Variants in GALNTL6 observed in about 807,000 individuals in gnomAD.
GALNTL6 encodes polypeptide N-acetylgalactosaminyltransferase like 6, also known as polypeptide N-acetylgalactosaminyltransferase-like 6.
In GALNTL6, 46 loss-of-function variants were observed where a neutral mutation model predicts 73.7. The observed-to-expected ratio is 0.62, with a 90% CI of 0.49 to 0.80. GALNTL6 has a LOEUF of 0.80. Ranked by LOEUF, GALNTL6 falls within the 30% of genes least tolerant of loss-of-function variation. The probability of loss-of-function intolerance (pLI) is 0.00; values close to 1 mark genes in which losing one functional copy is unlikely to be tolerated. For missense variants in GALNTL6, 604 were observed against 755.0 expected, an observed-to-expected ratio of 0.80 and a Z score of 2.34; for synonymous variants, 259 against 263.7, an observed-to-expected ratio of 0.98 and a Z score of 0.17.
chr4:172,826,142 A>G (rs1016768409), intron 7 of GALNTL6, among the ~76,000 whole-genome samples: 2 of 152,100 alleles, frequency 1.3e-5, no homozygotes, highest in African/African-American at 4.8e-5. Flanking sequence ...GGCCCAGGAC[A>G]AGAGTGCAAA....
intron 2 of GALNTL6, among the ~76,000 whole-genome samples, chr4:172,210,956 T>G (rs1466516039): frequency 6.6e-6 from 1 of 152,222 alleles, no homozygotes; most frequent in Non-Finnish European, 1.5e-5. Flanking sequence ...AAATTCCAGA[T>G]TTGTAATTTG....
At chr4:172,707,747 C>T (rs1221401985) in intron 5 of GALNTL6, among the ~76,000 whole-genome samples, 1 of 152,070 alleles carries the variant, frequency 6.6e-6, no homozygotes, top group Non-Finnish European at 1.5e-5. Flanking sequence ...TTATAGCCAA[C>T]AAGCAGAGTA....
intron 5 of GALNTL6, among the ~76,000 whole-genome samples, chr4:172,440,925 T>A (rs1731814471): frequency 6.6e-6 from 1 of 152,140 alleles, no homozygotes; most frequent in Non-Finnish European, 1.5e-5. Flanking sequence ...TTATAATTCA[T>A]TAAGTTTTAT....
Position 172,196,622 on chromosome 4 carries a change from A to G in GALNTL6, c.139-33034A>G, listed in dbSNP as rs117999291. Among the ~76,000 whole-genome samples the G allele has an allele frequency of 4.9e-4, 74 of 152,256 alleles. No individual in the cohort carries two copies. The East Asian group carries it at 0.014, about 29-fold the overall frequency. On this transcript the variant is annotated intron_variant, in intron 2 of 12. Transcript: ENST00000506823. ...CACGATCAAGTCAGCTTCATCCTCA[A>G]TGCAAGGCTGGTTCAACTTATACAA... is the stretch of plus-strand genomic sequence containing the variant.
At chr4:172,255,604 C>G (rs1300567447) in intron 3 of GALNTL6, among the ~76,000 whole-genome samples, 1 of 151,170 alleles carries the variant, frequency 6.6e-6, no homozygotes, top group East Asian at 1.9e-4. Context: ...TTTCTACTCT[C>G]AATAAATGTG....
chr4:172,410,854 TA>T (rs1561070776), intron 5 of GALNTL6, among the ~76,000 whole-genome samples: 4 of 152,056 alleles, frequency 2.6e-5, no homozygotes, highest in Non-Finnish European at 4.4e-5. Flanking sequence ...TTTTCCCTCC[TA>T]CCCCCTCATG....
chr4:172,705,284 T>G (rs1479365578), intron 5 of GALNTL6, among the ~76,000 whole-genome samples: 1 of 151,802 alleles, frequency 6.6e-6, no homozygotes, highest in African/African-American at 2.4e-5. Context: ...CTTTTGTAGT[T>G]ATTTTTTCTG....
chr4:172,217,529 C>A (rs1736533112), intron 2 of GALNTL6, among the ~76,000 whole-genome samples: 1 of 152,188 alleles, frequency 6.6e-6, no homozygotes, highest in Non-Finnish European at 1.5e-5. Flanking sequence ...ATTCTTTTCT[C>A]AGCCACGTTT....
chr4:172,482,094 C>A (rs1354851644), intron 5 of GALNTL6, among the ~76,000 whole-genome samples: 7 of 152,218 alleles, frequency 4.6e-5, no homozygotes, highest in Admixed American at 4.6e-4. Context: ...CCCGGCGCCC[C>A]CTCCACAGCT....
chr4:172,898,322 AC>A (rs1746440133), intron 8 of GALNTL6, among the ~76,000 whole-genome samples: 1 of 134,124 alleles, frequency 7.5e-6, no homozygotes, highest in Non-Finnish European at 1.6e-5. Context: ...ACACACACAC[AC>A]ACGTATAAGA....
At chr4:172,903,993 C>A (rs1334607158) in intron 8 of GALNTL6, among the ~76,000 whole-genome samples, 2 of 152,168 alleles carry the variant, frequency 1.3e-5, no homozygotes, top group African/African-American at 2.4e-5. Flanking sequence ...TCCCTCCCTG[C>A]ACATCTATTT....
At chr4:172,528,502 C>T (rs1042175471) in intron 5 of GALNTL6, among the ~76,000 whole-genome samples, 1 of 151,148 alleles carries the variant, frequency 6.6e-6, no homozygotes, top group Non-Finnish European at 1.5e-5. Context: ...GGACTACAGG[C>T]ACCTGCCACC....
At chr4:172,108,846 T>C (rs956846993) in intron 2 of GALNTL6, among the ~76,000 whole-genome samples, 1 of 151,742 alleles carries the variant, frequency 6.6e-6, no homozygotes, top group Non-Finnish European at 1.5e-5. Context: ...ACCCCATCTC[T>C]ACTAAAAATA....
At chr4:171,884,239 G>A (rs1020363000) in intron 2 of GALNTL6, among the ~76,000 whole-genome samples, 2 of 151,992 alleles carry the variant, frequency 1.3e-5, no homozygotes, top group Non-Finnish European at 2.9e-5. Context: ...ATTATCTATG[G>A]CCAAATATTT....
At chr4:172,565,207 G>A (rs1736513462) in intron 5 of GALNTL6, among the ~76,000 whole-genome samples, 1 of 152,158 alleles carries the variant, frequency 6.6e-6, no homozygotes, top group Admixed American at 6.5e-5. Context: ...TCTTAATACT[G>A]TCACATTGGG....
chr4:171,938,537 A>G (rs1230488628), intron 2 of GALNTL6, among the ~76,000 whole-genome samples: 1 of 152,174 alleles, frequency 6.6e-6, no homozygotes, highest in African/African-American at 2.4e-5. Context: ...TTCCAGAAAA[A>G]AATCATCTGT....
At chr4:172,267,877 GA>G (rs1166713414) in intron 3 of GALNTL6, among the ~76,000 whole-genome samples, 2 of 152,064 alleles carry the variant, frequency 1.3e-5, no homozygotes, top group South Asian at 4.1e-4. Flanking sequence ...AAGGCATTTG[GA>G]AAAAATGGCA....
intron 5 of GALNTL6, among the ~76,000 whole-genome samples, chr4:172,549,033 A>T (rs1196756280): frequency 6.6e-6 from 1 of 152,192 alleles, no homozygotes; most frequent in Non-Finnish European, 1.5e-5. Context: ...AGCCAATATT[A>T]TTGAAATATA....
intron 5 of GALNTL6, among the ~76,000 whole-genome samples, chr4:172,471,564 CT>C (rs201710691): frequency 0.029 from 4,401 of 152,058 alleles, 88 homozygotes; most frequent in Non-Finnish European, 0.048. Flanking sequence ...GCCCTTTCTT[CT>C]TTTTTTATGA....
Sources: gnomAD v4.1 joint callset for allele counts (sites outside exome capture counted in the v4.1 genomes callset) on GRCh38, gnomAD v4.1.1 for gene constraint, MANE v1.5 for transcripts, NCBI Gene and HGNC (gene_info 2026-07-23, HGNC 2026-07-21) for gene names.